The following FRMD5 variants were observed in gnomAD, a reference collection of about 807,000 sequenced individuals.
The protein encoded by FRMD5 is FERM domain containing 5.
Under a neutral mutation model 69.0 loss-of-function variants are expected in FRMD5, and 20 were observed. That is an observed-to-expected ratio of 0.29 (90% confidence interval 0.20 to 0.42). The LOEUF is 0.42. FRMD5 is among the 10% of genes least tolerant of loss of function. The pLI, the probability that FRMD5 is intolerant of heterozygous loss-of-function variation, is 1.00. For missense variants in FRMD5, 595 were observed against 708.6 expected (o/e 0.84, Z 1.82); for synonymous variants, 271 against 260.1 (o/e 1.04, Z -0.40).
intron 1 of FRMD5, among the ~76,000 whole-genome samples, chr15:44,170,559 C>A (rs1000286637): frequency 6.6e-6 from 1 of 151,984 alleles, no homozygotes. Context: ...TTTTCAGATA[C>A]CTTTTTGTAC....
chr15:43,926,390 G>T (rs1427534395), intron 1 of FRMD5, among the ~76,000 whole-genome samples: 3 of 152,150 alleles, frequency 2.0e-5, no homozygotes, highest in Non-Finnish European at 1.5e-5. Flanking sequence ...TAGTGTAGTG[G>T]TTATCACGTT....
At chr15:43,969,739 C>T (rs2090347634) in intron 1 of FRMD5, among the ~76,000 whole-genome samples, 1 of 152,144 alleles carries the variant, frequency 6.6e-6, no homozygotes, top group Non-Finnish European at 1.5e-5. Context: ...ATAAGACTTG[C>T]CAGACAGAAC....
chr15:43,906,034 G>T, intron 5 of FRMD5, 83 bp from the exon 6 acceptor site: 1 of 1,539,044 alleles, frequency 6.5e-7, no homozygotes. Flanking sequence ...AGCACACAGA[G>T]CAAAAGCCAA....
chr15:44,151,574 G>C (rs2077448192), intron 1 of FRMD5, among the ~76,000 whole-genome samples: 1 of 151,934 alleles, frequency 6.6e-6, no homozygotes, highest in African/African-American at 2.4e-5. Flanking sequence ...AGATTCATTG[G>C]ATGAAACTAC....
intron 4 of FRMD5, 49 bp from the exon 5 acceptor site, chr15:43,910,028 T>A: frequency 9.2e-7 from 1 of 1,089,804 alleles, no homozygotes; most frequent in Non-Finnish European, 1.4e-6. Flanking sequence ...TTGATTGCTT[T>A]AAAGATAGAA....
At chr15:43,908,307 G>T (rs935970859) in intron 5 of FRMD5, among the ~76,000 whole-genome samples, 1 of 144,166 alleles carries the variant, frequency 6.9e-6, no homozygotes, top group African/African-American at 2.6e-5. Flanking sequence ...TGGCCTAGGG[G>T]ACAGAGCCAG....
intron 1 of FRMD5, among the ~76,000 whole-genome samples, chr15:44,188,121 AC>A (rs1398038569): frequency 6.6e-6 from 1 of 152,192 alleles, no homozygotes. Flanking sequence ...CAAGTTGTGA[AC>A]AAAATTTATT....
intron 1 of FRMD5, chr15:43,990,329 TA>T: frequency 3.9e-6 from 1 of 255,420 alleles, no homozygotes; most frequent in East Asian, 1.0e-4. Context: ...TTTTTTGTGA[TA>T]TTTGCTTTTT....
At chr15:43,929,136 G>A (rs1214326191) in intron 1 of FRMD5, among the ~76,000 whole-genome samples, 1 of 152,180 alleles carries the variant, frequency 6.6e-6, no homozygotes, top group East Asian at 1.9e-4. Context: ...CTGAGGGTGG[G>A]ATAATTCCTA....
At chr15:43,977,188 T>TGCAG (rs998247707) in intron 1 of FRMD5, among the ~76,000 whole-genome samples, 27 of 152,052 alleles carry the variant, frequency 1.8e-4, no homozygotes, top group Admixed American at 1.1e-3. Context: ...AGGTTGGAAC[T>TGCAG]GCAGGGGGCT....
chr15:44,002,007 AT>A, intron 1 of FRMD5, among the ~76,000 whole-genome samples: 1 of 152,242 alleles, frequency 6.6e-6, no homozygotes, highest in South Asian at 2.1e-4. Flanking sequence ...CACCCAGTTC[AT>A]TCTTTATTTT....
chr15:44,019,275 G>A (rs578211080), intron 1 of FRMD5, among the ~76,000 whole-genome samples: 1 of 152,024 alleles, frequency 6.6e-6, no homozygotes, highest in Non-Finnish European at 1.5e-5. Context: ...AAATCCTAGA[G>A]TTTATATTTT....
intron 1 of FRMD5, among the ~76,000 whole-genome samples, chr15:44,005,465 C>T (rs1890396256): frequency 2.5e-5 from 3 of 119,630 alleles, no homozygotes; most frequent in East Asian, 2.3e-4. Context: ...GAGTGAAACT[C>T]CATCTCAAAA....
At chr15:43,986,894 C>G (rs1397259691) in intron 1 of FRMD5, among the ~76,000 whole-genome samples, 1 of 151,764 alleles carries the variant, frequency 6.6e-6, no homozygotes, top group Non-Finnish European at 1.5e-5. Context: ...CATTTTGTGT[C>G]TCTGTTGCAT....
chr15:43,891,829 C>A (rs905952276), intron 8 of FRMD5, 152 bp downstream of exon 8: 12 of 639,724 alleles, frequency 1.9e-5, no homozygotes, highest in Non-Finnish European at 3.4e-5. Flanking sequence ...TAGGAAGAGA[C>A]CACTCCCTTC....
At chr15:43,881,265 A>C (rs966487204) in intron 13 of FRMD5, among the ~76,000 whole-genome samples, 2 of 152,162 alleles carry the variant, frequency 1.3e-5, no homozygotes, top group Non-Finnish European at 2.9e-5. Context: ...GGATGGAAAG[A>C]AAGGCCACAG....
chr15:44,057,114 T>A (rs1440340000), intron 1 of FRMD5, among the ~76,000 whole-genome samples: 2 of 147,920 alleles, frequency 1.4e-5, no homozygotes, highest in African/African-American at 2.5e-5. Context: ...TCCCTCTCCC[T>A]CTTTGCTCTT....
At chr15:44,137,860 G>A (rs1212919146) in intron 1 of FRMD5, among the ~76,000 whole-genome samples, 1 of 152,068 alleles carries the variant, frequency 6.6e-6, no homozygotes, top group African/African-American at 2.4e-5. Context: ...CTGAGGCCAG[G>A]CACATTGCTT....
At chr15:43,891,879 C>G (rs1033448407) in intron 8 of FRMD5, 102 bp downstream of exon 8, 7 of 934,900 alleles carry the variant, frequency 7.5e-6, no homozygotes, top group Non-Finnish European at 1.2e-5. Flanking sequence ...GGAGAGGGCT[C>G]TGAACCAGAA....
Sources: gnomAD v4.1 joint callset for allele counts (sites outside exome capture counted in the v4.1 genomes callset) on GRCh38, gnomAD v4.1.1 for gene constraint, MANE v1.5 for transcripts, NCBI Gene and HGNC (gene_info 2026-07-23, HGNC 2026-07-21) for gene names.